Variants in GIT1 observed in about 807,000 individuals in gnomAD.
The protein encoded by GIT1 is ARF GTPase-activating protein GIT1.
A neutral mutation model predicts 91.7 loss-of-function variants in GIT1; 14 were observed. The observed-to-expected ratio is 0.15, with a 90% CI of 0.10 to 0.24. The LOEUF (loss-of-function observed/expected upper bound fraction) is 0.24. Ranked by LOEUF, GIT1 falls within the 10% of genes least tolerant of loss-of-function variation. GIT1 has a pLI of 1.00. For missense variants in GIT1, 717 were observed against 1,024.9 expected, an observed-to-expected ratio of 0.70 and a Z score of 4.10; for synonymous variants, 414 against 418.2, an observed-to-expected ratio of 0.99 and a Z score of 0.12.
chr17:29,581,396 A>C lies in GIT1; in HGVS notation c.719-16T>G, dbSNP rs371222698. ...TTCTTGTGATCTGAACAAAAATAAAAATGCCAAGTCACTCACTAGTGCTGG... is the reference window on the plus strand; with the variant it reads ...TTCTTGTGATCTGAACAAAAATAAACATGCCAAGTCACTCACTAGTGCTGG... On this transcript the variant is annotated splice_polypyrimidine_tract_variant and intron_variant, in intron 6 of 19. Transcript: ENST00000225394. The surrounding 1 kb of genome is among the most constrained non-coding windows in gnomAD (Gnocchi z 4.8). 9.9e-6 allele frequency: 16 copies of C among 1,608,808 alleles called. No individual in the cohort carries two copies. Among genetic ancestry groups the C allele is most frequent in the Non-Finnish European group, 1.3e-5 (15 of 1,175,502 alleles).
In GIT1 at chr17:29,581,110, T is replaced by C; in HGVS notation, c.761+228A>G. The C allele has an allele frequency of 1.7e-6, 1 of 580,818 alleles. No homozygotes were observed. The highest frequency in any genetic ancestry group is 3.1e-6 in the Non-Finnish European group (1 of 323,742). The allele number at this position is 580,818 out of a possible 1,614,324, so 36.0% of individuals were successfully genotyped here. A position where few individuals can be genotyped will look rare whatever the true frequency, so the allele number is the denominator to read the frequency against. On this transcript the variant is annotated intron_variant, in intron 7 of 19. Coordinates refer to ENST00000225394, the MANE Select transcript of GIT1 (RefSeq NM_014030.4). The surrounding 1 kb of genome is among the most constrained non-coding windows in gnomAD (Gnocchi z 4.8). ...TAGCTTCTCACACCCAAGCCCTCCA[T>C]GTACTTGACAGTCACGGGGCTCAGG... is the stretch of plus-strand genomic sequence containing the variant.
chr17:29,578,271 C>T (rs747643557), intron 9 of GIT1, 28 bp downstream of exon 9: 34 of 1,590,810 alleles, frequency 2.1e-5, no homozygotes, highest in Middle Eastern at 1.7e-4. Flanking sequence ...GGGTCCTCCA[C>T]GCCAGACACT....
chr17:29,587,500 G>A (rs1053963576), intron 1 of GIT1, among the ~76,000 whole-genome samples: 1 of 152,174 alleles, frequency 6.6e-6, no homozygotes, highest in Non-Finnish European at 1.5e-5. Flanking sequence ...GACCTGGGAG[G>A]AGGAGCTGGG....
At chr17:29,577,511 C>T in intron 10 of GIT1, 134 bp downstream of exon 10, 1 of 729,004 alleles carries the variant, frequency 1.4e-6, no homozygotes, top group Non-Finnish European at 2.5e-6. Flanking sequence ...TTCCCAAATC[C>T]CAGTGCCAGC....
chr17:29,575,894 C>A lies in GIT1; in HGVS notation c.1670G>T (p.Arg557Leu). 1 of 1,606,838 alleles carries A rather than the reference C, an allele frequency of 6.2e-7. No homozygotes were observed. Among genetic ancestry groups the A allele is most frequent in the Admixed American group, 1.7e-5 (1 of 58,876 alleles). ...VHVPAGLYRI[R>L]KGVSASAVPF... ...CACAGCTGAGGCAGACACCCCTTTC[C>A]GGATCTGAAACCCAGGGCAGCGCTG... Residue 557 changes from arginine (R) to leucine (L), a missense_variant, in exon 16 of 20, where the codon CGG becomes CTG. Around this residue, in one of 3 missense-constraint regions of GIT1, gnomAD observed 312 missense variants for 349.5 expected, o/e 0.89. Coordinates refer to ENST00000225394, the MANE Select transcript of GIT1 (RefSeq NM_014030.4). The surrounding 1 kb of genome is among the most constrained non-coding windows in gnomAD (Gnocchi z 5.5).
intron 1 of GIT1, among the ~76,000 whole-genome samples, chr17:29,584,044 C>T (rs1952680105): frequency 6.6e-6 from 1 of 152,250 alleles, no homozygotes; most frequent in South Asian, 2.1e-4. Context: ...TGACAGATCA[C>T]ACCCGTCCAC....
chr17:29,577,284 C>T (rs2033243685), intron 10 of GIT1, 37 bp from the exon 11 acceptor site: 1 of 1,528,208 alleles, frequency 6.5e-7, no homozygotes. Flanking sequence ...CTTCAGGGGA[C>T]CCCTTATGAC....
intron 7 of GIT1, among the ~76,000 whole-genome samples, chr17:29,579,915 C>T (rs184840637): frequency 6.0e-4 from 92 of 152,240 alleles, no homozygotes; most frequent in African/African-American, 2.2e-3. Flanking sequence ...TCTCCGCTCT[C>T]GGGATGGTCA....
At position 29,582,698 on chromosome 17, in the gene GIT1, C is replaced by T; in HGVS notation, c.405G>A (p.Lys135=). 1 of 1,607,680 alleles carries T rather than the reference C, an allele frequency of 6.2e-7. No homozygotes were observed. Among genetic ancestry groups the T allele is most frequent in the East Asian group, 2.2e-5 (1 of 44,856 alleles). Residue 135 remains lysine, a splice_region_variant and synonymous_variant, in exon 4 of 20, where the codon AAG becomes AAA. Coordinates refer to ENST00000225394, the MANE Select transcript of GIT1 (RefSeq NM_014030.4). ...DDGVTAKDLS[K]QLHSSVRTGN... is the part of the protein sequence containing the mutation. ...CCATCTGTTGTAGGGCCCCTCAAAC[C>T]TTGCTGAGGTCTTTGGCGGTGACTC...
intron 1 of GIT1, among the ~76,000 whole-genome samples, chr17:29,587,355 G>A (rs2033624831): frequency 6.6e-6 from 1 of 152,200 alleles, no homozygotes; most frequent in Non-Finnish European, 1.5e-5. Flanking sequence ...CTCGCTGGGT[G>A]CTAGGTGGGC....
rs536714033 is a variant in GIT1, at chr17:29,584,823, A to G, written c.53-1207T>C. 6.6e-5 allele frequency among the ~76,000 whole-genome samples: 10 copies of G among 152,234 alleles called. No homozygotes were observed. In the East Asian group the frequency reaches 1.9e-3, roughly 29 times the overall value. ...ATTCTCAGGCCTTTCCCCTCTAAGG[A>G]CTTCCACCAAAGTTCCCAGGAAAAT... On this transcript the variant is annotated intron_variant, in intron 1 of 19. Transcript: ENST00000225394.
At position 29,581,722 on chromosome 17, in the gene GIT1, G is replaced by GC; in HGVS notation, c.718+19dup. 5 of 1,593,094 alleles carry GC rather than the reference G, an allele frequency of 3.1e-6. No homozygotes were observed. Among genetic ancestry groups the GC allele is most frequent in the Non-Finnish European group, 2.6e-6 (3 of 1,167,858 alleles). On this transcript the variant is annotated intron_variant, in intron 6 of 19. Coordinates refer to ENST00000225394, the MANE Select transcript of GIT1 (RefSeq NM_014030.4). This position sits in a 1 kb window ranked among gnomAD's most constrained non-coding sequence, Gnocchi z 4.8. The stretch of plus-strand genomic sequence containing the variant: ...CCAGCCAGGCCTGTCACAGCCAGGC[G>GC]CCCCCCAAGCTCTGCTCACCCGGCT...
intron 2 of GIT1, 99 bp downstream of exon 2, chr17:29,583,384 G>A: frequency 2.3e-6 from 3 of 1,331,760 alleles, no homozygotes; most frequent in Non-Finnish European, 3.1e-6. Context: ...GGAAGCTGCA[G>A]ATTCCAGATG....
At chr17:29,588,320 T>C (rs1598583394) in intron 1 of GIT1, among the ~76,000 whole-genome samples, 1 of 152,194 alleles carries the variant, frequency 6.6e-6, no homozygotes, top group Non-Finnish European at 1.5e-5. Context: ...AGAGCTTCCT[T>C]CCCAGGCCAG....
At chr17:29,586,520 C>T (rs2033598535) in intron 1 of GIT1, among the ~76,000 whole-genome samples, 1 of 152,146 alleles carries the variant, frequency 6.6e-6, no homozygotes, top group Non-Finnish European at 1.5e-5. Flanking sequence ...CAGGTGCAGG[C>T]ATTGACACAC....
chr17:29,583,229 CA>C (rs1363752036), intron 2 of GIT1, among the ~76,000 whole-genome samples, 192 bp from the exon 3 acceptor site: 1 of 152,100 alleles, frequency 6.6e-6, no homozygotes, highest in Non-Finnish European at 1.5e-5. Context: ...TGCCAAGGCT[CA>C]GAGAGGTGAA....
At position 29,574,584 on chromosome 17, in the gene GIT1, G is replaced by A. The variant is rs563552803; in HGVS notation, c.*118C>T. 19 of 898,182 alleles carry A rather than the reference G, an allele frequency of 2.1e-5. 2 individuals are homozygous for A. In the South Asian group the frequency reaches 2.7e-4, roughly 13 times the overall value. The allele number at this position is 898,182 out of a possible 1,614,324, so 55.6% of individuals were successfully genotyped here. On this transcript the variant is annotated 3_prime_UTR_variant, in exon 20 of 20. Transcript: ENST00000225394. ...GGGCACCTGGCTGCCAGGGAGTGTG[G>A]CAGCACTAAGGGCACTTGTGCCAGT...
Position 29,575,590 on chromosome 17 carries a change from G to T in GIT1, c.1826+40C>A. 7 of 1,592,670 alleles carry T rather than the reference G, an allele frequency of 4.4e-6. No individual in the cohort carries two copies. The highest frequency in any genetic ancestry group is 6.0e-6 in the Non-Finnish European group (7 of 1,165,500). ...GGGCCCTCTCAACCTCCCCGCCTCGGCATGTGAGCAGGCTGGACTGGAGAC... is the reference window on the plus strand; with the variant it reads ...GGGCCCTCTCAACCTCCCCGCCTCGTCATGTGAGCAGGCTGGACTGGAGAC... On this transcript the variant is annotated intron_variant, in intron 17 of 19. Coordinates refer to ENST00000225394, the MANE Select transcript of GIT1 (RefSeq NM_014030.4). The surrounding 1 kb of genome is among the most constrained non-coding windows in gnomAD (Gnocchi z 5.5).
rs770383438 is a variant in GIT1 at position 29,581,961 on chromosome 17, C to T, written c.589G>A (p.Asp197Asn). 6.2e-7 allele frequency: 1 copy of T among 1,609,224 alleles called. No individual in the cohort carries two copies. The highest frequency in any genetic ancestry group is 8.5e-7 in the Non-Finnish European group (1 of 1,177,928). ...TCAATGGGTGTGCGGCCATTAACAT[C>T]AGGGGAGCCAGGGTCAGCCCCATAC... Reference protein sequence around the residue: ...VVYGADPGSPDVNGRTPIDYA... With the variant: ...VVYGADPGSPNVNGRTPIDYA... The change falls in exon 5 of 20, where the codon GAT becomes AAT. Residue 197 changes from aspartate to asparagine, a missense_variant. Transcript: ENST00000225394. The surrounding 1 kb of genome is among the most constrained non-coding windows in gnomAD (Gnocchi z 4.8).
Sources: gnomAD v4.1 joint callset for allele counts (sites outside exome capture counted in the v4.1 genomes callset) on GRCh38, gnomAD v4.1.1 for gene constraint, gnomAD v4.1.1 regional missense constraint, Gnocchi (gnomAD v3.1) non-coding constraint, MANE v1.5 for transcripts, NCBI Gene and HGNC (gene_info 2026-07-23, HGNC 2026-07-21) for gene names.